MED27: variants seen among roughly 807,000 people sequenced by gnomAD.
The protein encoded by MED27 is mediator complex subunit 27.
In MED27, 30 loss-of-function variants were observed where a neutral mutation model predicts 38.2. The ratio of observed to expected loss-of-function variants is 0.79; its 90% CI spans 0.59 to 1.07. MED27 has a LOEUF of 1.07. MED27 is among the 50% of genes least tolerant of loss of function. The pLI, the probability that MED27 is intolerant of heterozygous loss-of-function variation, is 0.00. For synonymous variants in MED27, 122 were observed against 153.5 expected (o/e 0.79, Z 1.52); for missense variants, 289 against 397.5 (o/e 0.73, Z 2.32).
At chr9:131,963,116 A>G (rs1427266601) in intron 3 of MED27, among the ~76,000 whole-genome samples, 1 of 152,158 alleles carries the variant, frequency 6.6e-6, no homozygotes, top group Non-Finnish European at 1.5e-5. Flanking sequence ...CAGCTAAACT[A>G]TTTCCAAGCC....
At chr9:132,030,546 A>G in intron 2 of MED27, among the ~76,000 whole-genome samples, 1 of 152,238 alleles carries the variant, frequency 6.6e-6, no homozygotes, top group Non-Finnish European at 1.5e-5. Flanking sequence ...GGATCTTCTT[A>G]GAAAGCATAC....
intron 4 of MED27, among the ~76,000 whole-genome samples, chr9:131,927,084 A>T (rs1298127668): frequency 6.6e-6 from 1 of 152,262 alleles, no homozygotes; most frequent in East Asian, 1.9e-4. Flanking sequence ...TAGGCGGTAG[A>T]TTAACTGACA....
intron 4 of MED27, among the ~76,000 whole-genome samples, chr9:131,897,257 C>T (rs1233072399): frequency 3.3e-5 from 5 of 152,206 alleles, no homozygotes; most frequent in Non-Finnish European, 7.3e-5. Flanking sequence ...GTTTTCACCA[C>T]ATTTGGAATT....
chr9:131,865,994 C>A (rs939796140), intron 6 of MED27, among the ~76,000 whole-genome samples: 1 of 152,174 alleles, frequency 6.6e-6, no homozygotes, highest in Non-Finnish European at 1.5e-5. Context: ...AGCGGTGACA[C>A]GTGCAGTTTG....
intron 4 of MED27, among the ~76,000 whole-genome samples, chr9:131,931,886 C>G (rs1360414552): frequency 6.6e-6 from 1 of 152,106 alleles, no homozygotes; most frequent in Non-Finnish European, 1.5e-5. Flanking sequence ...AGGAGAGAGA[C>G]AGGCCACAAT....
intron 2 of MED27, among the ~76,000 whole-genome samples, chr9:132,038,253 G>T (rs1247245187): frequency 6.8e-6 from 1 of 146,404 alleles, no homozygotes; most frequent in Non-Finnish European, 1.5e-5. Flanking sequence ...GTGCAGTGGC[G>T]GGATCTCGGC....
At chr9:131,922,350 T>G (rs1358017068) in intron 4 of MED27, among the ~76,000 whole-genome samples, 1 of 151,984 alleles carries the variant, frequency 6.6e-6, no homozygotes, top group African/African-American at 2.4e-5. Context: ...CTGTATTCAA[T>G]GGACTGTAAT....
chr9:132,042,989 G>A (rs1833251979), intron 2 of MED27, among the ~76,000 whole-genome samples: 1 of 152,082 alleles, frequency 6.6e-6, no homozygotes, highest in South Asian at 2.1e-4. Flanking sequence ...TGTTTTTGAG[G>A]GACAAGGTAA....
At chr9:132,036,888 G>A (rs909151902) in intron 2 of MED27, among the ~76,000 whole-genome samples, 1 of 152,108 alleles carries the variant, frequency 6.6e-6, no homozygotes, top group Non-Finnish European at 1.5e-5. Context: ...AGTCATAGGT[G>A]CTGAAAGCCT....
chr9:131,938,359 A>G (rs569591717), intron 4 of MED27, among the ~76,000 whole-genome samples: 1 of 152,332 alleles, frequency 6.6e-6, no homozygotes, highest in South Asian at 2.1e-4. Context: ...TTCTTATTCA[A>G]TAAACTCTGC....
chr9:131,900,446 A>G (rs1829919457), intron 4 of MED27, among the ~76,000 whole-genome samples: 2 of 152,192 alleles, frequency 1.3e-5, no homozygotes, highest in African/African-American at 4.8e-5. Context: ...ACAAAAACCT[A>G]ACAAATCTGG....
chr9:131,890,700 G>A (rs1839214193), intron 5 of MED27, among the ~76,000 whole-genome samples: 1 of 152,152 alleles, frequency 6.6e-6, no homozygotes, highest in African/African-American at 2.4e-5. Flanking sequence ...ACAGTCACAC[G>A]ATGGAGCCTG....
intron 3 of MED27, among the ~76,000 whole-genome samples, chr9:132,001,000 TGAGGCAG>T (rs1423408949): frequency 2.6e-5 from 4 of 151,962 alleles, no homozygotes; most frequent in African/African-American, 9.7e-5. Context: ...CTTGGGAGGC[TGAGGCAG>T]GAGGATCACT....
At chr9:131,973,363 T>C (rs753339009) in intron 3 of MED27, among the ~76,000 whole-genome samples, 1 of 152,130 alleles carries the variant, frequency 6.6e-6, no homozygotes, top group Non-Finnish European at 1.5e-5. Flanking sequence ...CAGGCATGCA[T>C]GTGATGTGTG....
At chr9:131,930,024 G>A (rs1028758967) in intron 4 of MED27, among the ~76,000 whole-genome samples, 2 of 151,058 alleles carry the variant, frequency 1.3e-5, no homozygotes, top group East Asian at 1.9e-4. Flanking sequence ...GCTCCAGGTG[G>A]CTTAGCACAG....
chr9:131,902,899 G>T (rs1349515063), intron 4 of MED27, among the ~76,000 whole-genome samples: 1 of 152,162 alleles, frequency 6.6e-6, no homozygotes, highest in Non-Finnish European at 1.5e-5. Context: ...ACTCTGGGAG[G>T]AAAAAAGACC....
chr9:132,072,877 G>A (rs575662210), intron 2 of MED27, among the ~76,000 whole-genome samples: 3 of 152,026 alleles, frequency 2.0e-5, no homozygotes, highest in Non-Finnish European at 4.4e-5. Context: ...TGGTGGGAAG[G>A]AAAACACAAG....
At chr9:131,870,868 C>T (rs912035041) in intron 6 of MED27, among the ~76,000 whole-genome samples, 5 of 152,226 alleles carry the variant, frequency 3.3e-5, no homozygotes, top group African/African-American at 9.6e-5. Flanking sequence ...ACCCTCCAAA[C>T]GGTCTGACAG....
intron 4 of MED27, among the ~76,000 whole-genome samples, chr9:131,929,607 A>G (rs1410795287): frequency 6.6e-6 from 1 of 152,160 alleles, no homozygotes; most frequent in Non-Finnish European, 1.5e-5. Context: ...CTTTCAGTGA[A>G]CATTGGCAGT....
Sources: allele counts gnomAD v4.1 joint callset (sites outside exome capture counted in the v4.1 genomes callset), GRCh38; gene constraint gnomAD v4.1.1; transcripts MANE v1.5; gene names NCBI Gene and HGNC (gene_info 2026-07-23, HGNC 2026-07-21).